Variants in TEAD4 observed in about 807,000 individuals in gnomAD.
TEAD4 encodes the protein TEA domain transcription factor 4.
In TEAD4, 36 loss-of-function variants were observed where a neutral mutation model predicts 52.4. That is an observed-to-expected ratio of 0.69 (90% CI 0.53 to 0.91). TEAD4 has a LOEUF of 0.91. Ranked by LOEUF, TEAD4 falls within the 40% of genes least tolerant of loss-of-function variation. The pLI is 0.00. For synonymous variants in TEAD4, 220 were observed against 231.0 expected (o/e 0.95, Z 0.43); for missense variants, 508 against 583.9 (o/e 0.87, Z 1.34).
At chr12:3,010,941 C>T in intron 3 of TEAD4, 63 bp from the exon 4 acceptor site, 4 of 1,587,876 alleles carry the variant, frequency 2.5e-6, no homozygotes, top group East Asian at 2.2e-5. Context: ...GTACCCCGCA[C>T]CCCCTCACTG....
At chr12:2,984,781 A>T (rs549914181) in intron 2 of TEAD4, among the ~76,000 whole-genome samples, 1 of 152,230 alleles carries the variant, frequency 6.6e-6, no homozygotes, top group Non-Finnish European at 1.5e-5. Context: ...AACATAGAAA[A>T]GGTACAGTGA....
At chr12:2,992,616 G>A (rs1283017747) in intron 2 of TEAD4, among the ~76,000 whole-genome samples, 2 of 152,174 alleles carry the variant, frequency 1.3e-5, no homozygotes, top group Non-Finnish European at 2.9e-5. Flanking sequence ...GAACTCAGGG[G>A]TTTAGACCCC....
At chr12:2,977,484 A>AG (rs1275489957) in intron 2 of TEAD4, among the ~76,000 whole-genome samples, 1 of 152,152 alleles carries the variant, frequency 6.6e-6, no homozygotes, top group Non-Finnish European at 1.5e-5. Flanking sequence ...CCTGTCCTGA[A>AG]GCCAGGTGTG....
chr12:2,966,654 G>A (rs1051796896), intron 2 of TEAD4, among the ~76,000 whole-genome samples: 3 of 151,754 alleles, frequency 2.0e-5, no homozygotes, highest in Non-Finnish European at 4.4e-5. Context: ...CTTGTGATCT[G>A]CCCGCCTTGA....
chr12:3,013,621 C>G (rs2098262156), intron 5 of TEAD4, among the ~76,000 whole-genome samples: 1 of 152,150 alleles, frequency 6.6e-6, no homozygotes, highest in African/African-American at 2.4e-5. Flanking sequence ...GTAATCCCAG[C>G]TACTCGGGAG....
chr12:3,017,242 C>CA, intron 5 of TEAD4, 156 bp from the exon 6 acceptor site: 1 of 976,680 alleles, frequency 1.0e-6, no homozygotes, highest in Non-Finnish European at 1.6e-6. Flanking sequence ...TTCTCAGTTG[C>CA]AAAACAAGTT....
chr12:2,979,519 G>A (rs372743753), intron 2 of TEAD4, among the ~76,000 whole-genome samples: 3 of 152,334 alleles, frequency 2.0e-5, no homozygotes, highest in East Asian at 3.9e-4. Flanking sequence ...GGGAGCGTGC[G>A]CGTCAGGCAG....
At position 2,981,214 on chromosome 12, in the gene TEAD4, G is replaced by A. The variant is rs140319878; in HGVS notation, c.-29-13524G>A. On this transcript the variant is annotated intron_variant, in intron 2 of 12. Transcript: ENST00000359864. ...CACAAGTGCTGGGCTGCCTGTATCC[G>A]TCCTGCAGGGTCGCCTGCCCAGTGC... 3.4e-3 allele frequency among the ~76,000 whole-genome samples: 516 copies of A among 152,316 alleles called. 5 individuals are homozygous for A. Among genetic ancestry groups the A allele is most frequent in the African/African-American group, 0.011 (470 of 41,560 alleles).
intron 7 of TEAD4, among the ~76,000 whole-genome samples, 195 bp downstream of exon 7, chr12:3,018,783 C>T (rs1591590528): frequency 6.6e-6 from 1 of 152,082 alleles, no homozygotes; most frequent in East Asian, 1.9e-4. Flanking sequence ...ATGTCTACAC[C>T]CTAGGGTGGT....
At position 2,989,104 on chromosome 12, in the gene TEAD4, G is replaced by A. The variant is rs749485409; in HGVS notation, c.-29-5634G>A. Among the ~76,000 whole-genome samples the A allele has an allele frequency of 5.9e-4, 89 of 152,032 alleles. 1 individual carries two copies. The highest frequency in any genetic ancestry group is 3.8e-4 in the Non-Finnish European group (26 of 67,998). On this transcript the variant is annotated intron_variant, in intron 2 of 12. Coordinates refer to ENST00000359864, the MANE Select transcript of TEAD4 (RefSeq NM_003213.4). ...CACAGGTAAAACAACCCAGGGCATG[G>A]GATTGGCATGGGAAGTCGGGAGGCA...
At chr12:2,979,789 T>C (rs538563317) in intron 2 of TEAD4, among the ~76,000 whole-genome samples, 1 of 152,310 alleles carries the variant, frequency 6.6e-6, no homozygotes, top group Admixed American at 6.5e-5. Flanking sequence ...CCAACATTCT[T>C]GTGTTGGGGA....
intron 5 of TEAD4, chr12:3,017,010 T>G (rs2098265053): frequency 4.4e-6 from 2 of 449,530 alleles, no homozygotes; most frequent in South Asian, 3.2e-5. Flanking sequence ...GGATGATGCT[T>G]CCTGTGCACT....
chr12:3,038,576 G>A (rs142763016), intron 11 of TEAD4, among the ~76,000 whole-genome samples: 1 of 152,322 alleles, frequency 6.6e-6, no homozygotes, highest in African/African-American at 2.4e-5. Context: ...CTGATTTTCT[G>A]CTTATGGGTA....
chr12:3,019,102 C>G lies in TEAD4; in HGVS notation c.528-13C>G, dbSNP rs775708119. On this transcript the variant is annotated splice_polypyrimidine_tract_variant and intron_variant, in intron 7 of 12. Transcript: ENST00000359864. ...GCCCGAGGCTGACACCTCCCCTCCT[C>G]TCTCTCCCGCAGTGTGAAGCCTTTC... is the stretch of plus-strand genomic sequence containing the variant. The G allele has an allele frequency of 1.2e-6, 2 of 1,613,978 alleles. No homozygotes were observed. Among genetic ancestry groups the G allele is most frequent in the Admixed American group, 1.7e-5 (1 of 60,010 alleles).
chr12:3,016,861 G>A (rs1354492462), intron 5 of TEAD4, among the ~76,000 whole-genome samples: 1 of 152,192 alleles, frequency 6.6e-6, no homozygotes, highest in African/African-American at 2.4e-5. Context: ...AGGGCAGACA[G>A]TGGGTATTTA....
intron 2 of TEAD4, among the ~76,000 whole-genome samples, chr12:2,976,008 A>ATTT (rs61140040): frequency 6.9e-6 from 1 of 145,502 alleles, no homozygotes; most frequent in Non-Finnish European, 1.5e-5. Context: ...TTCATAGCTC[A>ATTT]TTTTTTTTTT....
intron 3 of TEAD4, among the ~76,000 whole-genome samples, chr12:2,998,800 C>T (rs1372873240): frequency 1.3e-5 from 2 of 152,198 alleles, no homozygotes; most frequent in Non-Finnish European, 2.9e-5. Flanking sequence ...TGGCGTTCCT[C>T]TGTCAGCTGA....
rs1263352356 is a variant in TEAD4 at position 3,038,082 on chromosome 12, G to A, written c.1012G>A (p.Gly338Ser). The A allele has an allele frequency of 3.1e-6, 5 of 1,613,228 alleles. No individual in the cohort carries two copies. The highest frequency in any genetic ancestry group is 1.3e-5 in the African/African-American group (1 of 74,910). The change falls in exon 11 of 13, where the codon GGC (glycine) becomes AGC (serine). Residue 338 changes from glycine to serine, a missense_variant. Gly to Ser is a moderately conservative substitution (Grantham distance 56). Transcript: ENST00000359864. ...CTGCTCCACGAAGGTCTGCTCTTTC[G>A]GCAAGCAGGTGGTGGAGAAAGTTGA...
At chr12:2,980,688 G>A (rs1396343403) in intron 2 of TEAD4, among the ~76,000 whole-genome samples, 2 of 151,632 alleles carry the variant, frequency 1.3e-5, no homozygotes, top group South Asian at 2.1e-4. Flanking sequence ...AGTCCATATC[G>A]CTCCACTGTA....
Sources: gnomAD v4.1 joint callset for allele counts (sites outside exome capture counted in the v4.1 genomes callset) on GRCh38, gnomAD v4.1.1 for gene constraint, MANE v1.5 for transcripts, NCBI Gene and HGNC (gene_info 2026-07-23, HGNC 2026-07-21) for gene names.